Variants in TEX2 observed in about 807,000 individuals in gnomAD.
TEX2 encodes testis-expressed protein 2.
Under a neutral mutation model 106.9 loss-of-function variants are expected in TEX2, and 53 were observed. The observed-to-expected ratio is 0.50, with a 90% CI of 0.40 to 0.62. TEX2 has a LOEUF of 0.62. Among genes scored for constraint, TEX2 ranks in the 20% least tolerant of loss-of-function variants. The pLI, the probability that TEX2 is intolerant of heterozygous loss-of-function variation, is 0.00. For missense variants in TEX2, 1,207 were observed against 1,379.0 expected, an observed-to-expected ratio of 0.88 and a Z score of 1.98; for synonymous variants, 523 against 534.8, an observed-to-expected ratio of 0.98 and a Z score of 0.30.
chr17:64,260,051 G>C (rs1407741235), intron 1 of TEX2, among the ~76,000 whole-genome samples: 1 of 152,224 alleles, frequency 6.6e-6, no homozygotes, highest in Non-Finnish European at 1.5e-5. Context: ...CTGGTAAGCA[G>C]AGCACAAGGA....
intron 7 of TEX2, among the ~76,000 whole-genome samples, chr17:64,169,008 T>G (rs2031274929): frequency 6.7e-6 from 1 of 149,154 alleles, no homozygotes; most frequent in Admixed American, 6.9e-5. Context: ...CGAGGTTACA[T>G]CTTCATCTTA....
chr17:64,246,755 C>T (rs116347495), intron 1 of TEX2, among the ~76,000 whole-genome samples: 2,008 of 152,258 alleles, frequency 0.013, 39 homozygotes, highest in African/African-American at 0.047. Context: ...GGAGGCTGCA[C>T]GAGGAGAAGG....
intron 1 of TEX2, among the ~76,000 whole-genome samples, chr17:64,236,950 C>T (rs2033783093): frequency 6.6e-6 from 1 of 152,108 alleles, no homozygotes; most frequent in African/African-American, 2.4e-5. Flanking sequence ...TACTTGTTTC[C>T]TGTCTTATAA....
intron 1 of TEX2, among the ~76,000 whole-genome samples, chr17:64,222,271 A>C (rs2033377730): frequency 6.6e-6 from 1 of 152,146 alleles, no homozygotes; most frequent in Non-Finnish European, 1.5e-5. Flanking sequence ...TTGTAATCTC[A>C]GCACTTTGGG....
chr17:64,224,610 G>GC (rs34207980), intron 1 of TEX2, among the ~76,000 whole-genome samples: 82,633 of 151,816 alleles, frequency 0.54, 24,211 homozygotes, highest in East Asian at 0.83. Context: ...AGGTTCCCAG[G>GC]CCCCTACTCA....
chr17:64,148,805 A>C lies in TEX2; in HGVS notation c.*164T>G. ...AGACAGTTGTCACTAGATGCAGGGAATGACACCTCACAGTGGAATGGGCAC... is the reference window on the plus strand; with the variant it reads ...AGACAGTTGTCACTAGATGCAGGGACTGACACCTCACAGTGGAATGGGCAC... On this transcript the variant is annotated 3_prime_UTR_variant, in exon 12 of 12. Transcript: ENST00000584379. 1 of 782,204 alleles carries C rather than the reference A, an allele frequency of 1.3e-6. No individual in the cohort carries two copies. The allele number at this position is 782,204 out of a possible 1,614,324, so 48.5% of individuals were successfully genotyped here. A position where few individuals can be genotyped will look rare whatever the true frequency, so the allele number is the denominator to read the frequency against.
rs1285450867 is a variant in TEX2 at position 64,188,373 on chromosome 17, T to C, written c.2219A>G (p.His740Arg). The C allele has an allele frequency of 6.2e-7, 1 of 1,614,076 alleles. No individual in the cohort carries two copies. Among genetic ancestry groups the C allele is most frequent in the Non-Finnish European group, 8.5e-7 (1 of 1,180,038 alleles). Residue 740 changes from histidine to arginine, a missense_variant, in exon 5 of 12, where the codon CAC becomes CGC. By Grantham distance (29) the His-to-Arg change is conservative. Around this residue, in one of 3 missense-constraint regions of TEX2, gnomAD observed 1,067 missense variants for 1,193.6 expected, o/e 0.89. Transcript: ENST00000584379. ...AHSRHNSPSG[H>R]LTHSRSSSKG... Reference sequence around the variant, plus strand: ...GCTGCTGCTGCGGCTGTGGGTCAGGTGCCCGGACGGACTGTTGTGTCTGCT... The same window carrying C: ...GCTGCTGCTGCGGCTGTGGGTCAGGCGCCCGGACGGACTGTTGTGTCTGCT...
chr17:64,148,836 G>A lies in TEX2; in HGVS notation c.*133C>T. 1 of 1,118,540 alleles carries A rather than the reference G, an allele frequency of 8.9e-7. No individual in the cohort carries two copies. The allele number at this position is 1,118,540 out of a possible 1,614,324, so 69.3% of individuals were successfully genotyped here. ...CCTCACAGTGGAATGGGCACTGGCA[G>A]GCAGAGGGCAGAAGCAGTCCTTTAA... is the stretch of plus-strand genomic sequence containing the variant. On this transcript the variant is annotated 3_prime_UTR_variant, in exon 12 of 12. Coordinates refer to ENST00000584379, the MANE Select transcript of TEX2 (RefSeq NM_001288732.2).
rs782146243 is a variant in TEX2, at chr17:64,213,712, T to C, written c.506A>G (p.Lys169Arg). 27 of 1,613,900 alleles carry C rather than the reference T, an allele frequency of 1.7e-5. No individual in the cohort carries two copies. The highest frequency in any genetic ancestry group is 2.2e-5 in the Non-Finnish European group (26 of 1,180,022). ...SSSSPLSSPSKSPILSSSAST... is the reference protein window; with the variant it reads ...SSSSPLSSPSRSPILSSSAST... ...GGCACTGGATGAGAGGATGGGAGAC[T>C]TAGAAGGAGAGGACAATGGGGAGGA... is the stretch of plus-strand genomic sequence containing the variant. Residue 169 changes from lysine to arginine, a missense_variant, in exon 2 of 12, where the codon AAG (lysine) becomes AGG (arginine). Lys to Arg is a conservative substitution (Grantham distance 26, BLOSUM62 2). Transcript: ENST00000584379. This position sits in a 1 kb window ranked among gnomAD's most constrained non-coding sequence, Gnocchi z 4.4.
chr17:64,214,330 T>G, intron 1 of TEX2, 88 bp from the exon 2 acceptor site: 1 of 1,115,258 alleles, frequency 9.0e-7, no homozygotes, highest in Non-Finnish European at 1.3e-6. Flanking sequence ...CAGATGAAGC[T>G]GTTTAAGTGG....
rs1360024100 is a variant in TEX2 at position 64,217,475 on chromosome 17, G to C, written c.-25-3233C>G. ...GTGCCTTTTCAAACATGCCACACAC[G>C]CTCTTTATTCCTGCTTTGTCCCAGC... On this transcript the variant is annotated intron_variant, in intron 1 of 11. Coordinates refer to ENST00000584379, the MANE Select transcript of TEX2 (RefSeq NM_001288732.2). This position sits in a 1 kb window ranked among gnomAD's most constrained non-coding sequence, Gnocchi z 4.3. Among the ~76,000 whole-genome samples, 1 of 152,182 alleles carries C rather than the reference G, an allele frequency of 6.6e-6. No individual in the cohort carries two copies. The highest frequency in any genetic ancestry group is 2.4e-5 in the African/African-American group (1 of 41,440).
chr17:64,196,982 A>ATTTTTTTTTTTTTTTTT (rs59960456), intron 2 of TEX2, among the ~76,000 whole-genome samples: 7 of 63,574 alleles, frequency 1.1e-4, no homozygotes, highest in Non-Finnish European at 1.4e-4. Context: ...TCAAATCAAG[A>ATTTTTTTTTTTTTTTTT]TTTTTTTTTT....
intron 2 of TEX2, among the ~76,000 whole-genome samples, chr17:64,203,147 GCT>G (rs1394234794): frequency 6.6e-6 from 1 of 152,200 alleles, no homozygotes; most frequent in Non-Finnish European, 1.5e-5. Flanking sequence ...ATGCTCTATT[GCT>G]CAGCTTGATA....
chr17:64,187,557 G>A (rs148310007), intron 5 of TEX2, among the ~76,000 whole-genome samples: 1 of 151,982 alleles, frequency 6.6e-6, no homozygotes, highest in Non-Finnish European at 1.5e-5. Context: ...TCCACCAAGA[G>A]CCACTTATCT....
At chr17:64,151,007 A>G (rs2030325443) in intron 10 of TEX2, 46 bp from the exon 11 acceptor site, 1 of 1,605,588 alleles carries the variant, frequency 6.2e-7, no homozygotes, top group Non-Finnish European at 8.5e-7. Flanking sequence ...AAAGCAAGGA[A>G]TGAGACAGGC....
chr17:64,196,982 A>ATTTTTTTTTTTTTTTT lies in TEX2; in HGVS notation c.1645-1903_1645-1888dup, dbSNP rs59960456. Among the ~76,000 whole-genome samples, 9 of 63,574 alleles carry ATTTTTTTTTTTTTTTT rather than the reference A, an allele frequency of 1.4e-4. 1 individual carries two copies. The highest frequency in any genetic ancestry group is 1.4e-4 in the Non-Finnish European group (5 of 34,568). The allele number at this position is 63,574 out of a possible 152,430, so 41.7% of individuals were successfully genotyped here. A position where few individuals can be genotyped will look rare whatever the true frequency, so the allele number is the denominator to read the frequency against. ...GAAATCAGGGAATAGTCAAATCAAG[A>ATTTTTTTTTTTTTTTT]TTTTTTTTTTTTTTTTTTTTTTTTG... is the stretch of plus-strand genomic sequence containing the variant. On this transcript the variant is annotated intron_variant, in intron 2 of 11. Transcript: ENST00000584379.
chr17:64,241,080 T>C lies in TEX2; in HGVS notation c.-26+22088A>G, dbSNP rs537086132. ...TGTGCCCAGGCTCCTGTGTCTGGGA[T>C]TCAGGGCCATGCTGAAGCCAGCTGG... is the stretch of plus-strand genomic sequence containing the variant. On this transcript the variant is annotated intron_variant, in intron 1 of 11. Coordinates refer to ENST00000584379, the MANE Select transcript of TEX2 (RefSeq NM_001288732.2). Among the ~76,000 whole-genome samples, 308 of 152,328 alleles carry C rather than the reference T, an allele frequency of 2.0e-3. 1 individual carries two copies. Among genetic ancestry groups the C allele is most frequent in the African/African-American group, 7.2e-3 (298 of 41,570 alleles).
intron 3 of TEX2, among the ~76,000 whole-genome samples, chr17:64,194,106 A>G (rs1160114505): frequency 6.6e-6 from 1 of 152,236 alleles, no homozygotes; most frequent in East Asian, 1.9e-4. Context: ...TAGGCATTTA[A>G]TAATTTTGCG....
rs768969779 is a variant in TEX2, at chr17:64,194,918, T to C, written c.1822A>G (p.Ile608Val). Residue 608 changes from isoleucine to valine, a missense_variant, in exon 3 of 12, where the codon ATC becomes GTC. Coordinates refer to ENST00000584379, the MANE Select transcript of TEX2 (RefSeq NM_001288732.2). Reference sequence around the variant, plus strand: ...ACCTTGCTGTCTGAGAGGTCATAGATTTTCTGGCTGATGTAGGTGACCTCT... The same window carrying C: ...ACCTTGCTGTCTGAGAGGTCATAGACTTTCTGGCTGATGTAGGTGACCTCT... ...KPEVTYISQK[I>V]YDLSDSKIYL... is the part of the protein sequence containing the mutation. The C allele has an allele frequency of 6.2e-7, 1 of 1,614,158 alleles. No individual in the cohort carries two copies. Among genetic ancestry groups the C allele is most frequent in the Non-Finnish European group, 8.5e-7 (1 of 1,179,984 alleles).
Sources: allele counts gnomAD v4.1 joint callset (sites outside exome capture counted in the v4.1 genomes callset), GRCh38; gene constraint gnomAD v4.1.1; regional missense constraint gnomAD v4.1.1; non-coding constraint Gnocchi (gnomAD v3.1); transcripts MANE v1.5; gene names NCBI Gene and HGNC (gene_info 2026-07-23, HGNC 2026-07-21).